The following CARMIL1 variants were observed in gnomAD, a reference collection of about 807,000 sequenced individuals.
CARMIL1 encodes the protein capping protein regulator and myosin 1 linker 1.
Under a neutral mutation model 177.1 loss-of-function variants are expected in CARMIL1, and 90 were observed. That is an observed-to-expected ratio of 0.51 (90% CI 0.43 to 0.61). The LOEUF (loss-of-function observed/expected upper bound fraction) is 0.61, where lower values mean the gene tolerates loss of function less well. Ranked by LOEUF, CARMIL1 falls within the 20% of genes least tolerant of loss-of-function variation. CARMIL1 has a pLI of 0.00. For synonymous variants in CARMIL1, 577 were observed against 606.2 expected (o/e 0.95, Z 0.71); for missense variants, 1,380 against 1,667.0 (o/e 0.83, Z 3.00).
intron 36 of CARMIL1, among the ~76,000 whole-genome samples, chr6:25,616,479 C>T (rs893280722): frequency 2.0e-5 from 3 of 152,120 alleles, no homozygotes; most frequent in African/African-American, 4.8e-5. Flanking sequence ...GAAGCTGAGA[C>T]AGGAGGATCA....
At chr6:25,323,575 C>T (rs1236691224) in intron 2 of CARMIL1, among the ~76,000 whole-genome samples, 1 of 152,168 alleles carries the variant, frequency 6.6e-6, no homozygotes, top group African/African-American at 2.4e-5. Context: ...CACCACTGCA[C>T]TCCAGCATAA....
At chr6:25,300,207 T>A (rs546788112) in intron 2 of CARMIL1, among the ~76,000 whole-genome samples, 2 of 152,346 alleles carry the variant, frequency 1.3e-5, no homozygotes, top group East Asian at 3.9e-4. Flanking sequence ...TTTAAAATGC[T>A]TATTTTTGAA....
At chr6:25,420,905 G>A (rs116529708) in intron 3 of CARMIL1, among the ~76,000 whole-genome samples, 3 of 152,134 alleles carry the variant, frequency 2.0e-5, no homozygotes, top group Admixed American at 2.0e-4. Context: ...TCCTAAAAAG[G>A]TGATAACATT....
chr6:25,378,375 G>GTAGGT (rs1362298113), intron 2 of CARMIL1, among the ~76,000 whole-genome samples: 5 of 152,166 alleles, frequency 3.3e-5, no homozygotes, highest in African/African-American at 1.2e-4. Context: ...GCACCCCTGT[G>GTAGGT]CTCTCTTATG....
At position 25,563,798 on chromosome 6, in the gene CARMIL1, CTG is replaced by C. The variant is rs1373427129; in HGVS notation, c.2742+6952_2742+6953del. ...TTTTGGTGGATCACAGAACCACCGT[CTG>C]TGTAAATCACTTGAATTTGCTTGGA... On this transcript the variant is annotated intron_variant, in intron 29 of 36. Coordinates refer to ENST00000329474, the MANE Select transcript of CARMIL1 (RefSeq NM_017640.6). The C allele has an allele frequency of 4.1e-6, 4 of 985,278 alleles. No individual in the cohort carries two copies. In the East Asian group the frequency reaches 4.5e-4, roughly 112 times the overall value. The allele number at this position is 985,278 out of a possible 1,614,324, so 61.0% of individuals were successfully genotyped here. A position where few individuals can be genotyped will look rare whatever the true frequency, so the allele number is the denominator to read the frequency against.
At chr6:25,358,420 A>G (rs75414494) in intron 2 of CARMIL1, among the ~76,000 whole-genome samples, 2,452 of 152,312 alleles carry the variant, frequency 0.016, 56 homozygotes, top group African/African-American at 0.054. Flanking sequence ...ATATACAGGT[A>G]GGAGAAGCAT....
intron 9 of CARMIL1, among the ~76,000 whole-genome samples, chr6:25,470,155 T>G (rs1800975053): frequency 6.6e-6 from 1 of 152,232 alleles, no homozygotes; most frequent in Non-Finnish European, 1.5e-5. Context: ...TATTAAGCTT[T>G]TTCCTATTAT....
intron 29 of CARMIL1, among the ~76,000 whole-genome samples, chr6:25,566,390 T>C (rs1057031695): frequency 2.0e-5 from 3 of 152,204 alleles, no homozygotes; most frequent in Admixed American, 2.0e-4. Context: ...GTGCTTTTCT[T>C]GCTTTTCCCT....
rs1012663792 is a variant in CARMIL1 at position 25,380,485 on chromosome 6, C to A, written c.139-39629C>A. 5.9e-5 allele frequency among the ~76,000 whole-genome samples: 9 copies of A among 151,916 alleles called. 1 individual carries two copies. Among genetic ancestry groups the A allele is most frequent in the Non-Finnish European group, 1.2e-4 (8 of 68,004 alleles). On this transcript the variant is annotated intron_variant, in intron 2 of 36. Transcript: ENST00000329474. ...CTCTGGAGTGGTTTGCTGACCCTTG[C>A]CGTCAAGGAAATAGAAAGAGATTTT...
chr6:25,550,329 C>T (rs189343975), intron 26 of CARMIL1, among the ~76,000 whole-genome samples: 57 of 152,150 alleles, frequency 3.7e-4, no homozygotes, highest in Non-Finnish European at 3.8e-4. Context: ...CTGTTATTTT[C>T]CTATAGTTTA....
chr6:25,590,418 AAG>A (rs888261098), intron 31 of CARMIL1, among the ~76,000 whole-genome samples: 1 of 152,204 alleles, frequency 6.6e-6, no homozygotes, highest in East Asian at 1.9e-4. Flanking sequence ...ATGCATAAAT[AAG>A]AGAGACTTAA....
At chr6:25,469,721 C>T (rs1359669335) in intron 9 of CARMIL1, among the ~76,000 whole-genome samples, 1 of 152,096 alleles carries the variant, frequency 6.6e-6, no homozygotes, top group Non-Finnish European at 1.5e-5. Flanking sequence ...TCTGGGACCC[C>T]ACCCCACTAC....
At chr6:25,374,867 G>A (rs1227087834) in intron 2 of CARMIL1, among the ~76,000 whole-genome samples, 1 of 151,942 alleles carries the variant, frequency 6.6e-6, no homozygotes. Flanking sequence ...TCATTTACAT[G>A]GAATATCTTT....
intron 11 of CARMIL1, among the ~76,000 whole-genome samples, chr6:25,478,856 C>T (rs986453963): frequency 7.2e-5 from 11 of 151,768 alleles, no homozygotes; most frequent in Admixed American, 7.2e-4. Context: ...GAAGTATTGA[C>T]TCAATTTTTT....
At chr6:25,371,475 T>C (rs1462973092) in intron 2 of CARMIL1, among the ~76,000 whole-genome samples, 16 of 152,128 alleles carry the variant, frequency 1.1e-4, no homozygotes, top group Non-Finnish European at 2.9e-5. Flanking sequence ...GGTGGTATCT[T>C]GTTGTGGTTT....
chr6:25,612,586 A>G (rs918393740), intron 36 of CARMIL1, among the ~76,000 whole-genome samples: 2 of 152,202 alleles, frequency 1.3e-5, no homozygotes, highest in Non-Finnish European at 2.9e-5. Context: ...ATAATGATGC[A>G]TATCTGCCCA....
intron 4 of CARMIL1, among the ~76,000 whole-genome samples, chr6:25,435,201 C>G (rs927752826): frequency 4.6e-5 from 7 of 152,066 alleles, no homozygotes; most frequent in Non-Finnish European, 1.0e-4. Flanking sequence ...ATACTTCCAC[C>G]CTCTACCCAA....
chr6:25,560,699 G>C (rs1811034715), intron 29 of CARMIL1, among the ~76,000 whole-genome samples: 1 of 152,162 alleles, frequency 6.6e-6, no homozygotes, highest in Non-Finnish European at 1.5e-5. Context: ...GCTATAATGA[G>C]TATATGGATT....
chr6:25,500,746 A>G (rs1346506210), intron 17 of CARMIL1, among the ~76,000 whole-genome samples: 1 of 151,954 alleles, frequency 6.6e-6, no homozygotes, highest in South Asian at 2.1e-4. Flanking sequence ...CTGAGACTAA[A>G]GTGTCTATAT....
Sources: gnomAD v4.1 joint callset for allele counts (sites outside exome capture counted in the v4.1 genomes callset) on GRCh38, gnomAD v4.1.1 for gene constraint, MANE v1.5 for transcripts, NCBI Gene and HGNC (gene_info 2026-07-23, HGNC 2026-07-21) for gene names.